The following MBOAT4 variants were observed in gnomAD, a reference collection of about 807,000 sequenced individuals.
MBOAT4 encodes membrane bound ghrelin O-acyltransferase MBOAT4, also known as membrane-bound ghrelin O-acyltransferase MBOAT4.
In MBOAT4, 11 loss-of-function variants were observed where a neutral mutation model predicts 13.2. The ratio of observed to expected loss-of-function variants is 0.84; its 90% confidence interval spans 0.53 to 1.38. The LOEUF (loss-of-function observed/expected upper bound fraction) is 1.38, where lower values mean the gene tolerates loss of function less well. Among genes scored for constraint, MBOAT4 ranks in the 40% most tolerant of loss-of-function variants. The pLI is 0.00. For synonymous variants in MBOAT4, 202 were observed against 210.3 expected (o/e 0.96, Z 0.34); for missense variants, 481 against 527.2 (o/e 0.91, Z 0.86).
intron 1 of MBOAT4, among the ~76,000 whole-genome samples, chr8:30,139,905 G>A (rs973221306): frequency 6.6e-6 from 1 of 152,168 alleles, no homozygotes; most frequent in African/African-American, 2.4e-5. Context: ...GGCTGCACTT[G>A]AGCGATGATG....
At chr8:30,134,428 AC>A (rs1803095201) in intron 2 of MBOAT4, among the ~76,000 whole-genome samples, 1 of 151,740 alleles carries the variant, frequency 6.6e-6, no homozygotes, top group South Asian at 2.1e-4. Context: ...TCTCAAAAAA[AC>A]AAAACAAAAA....
At chr8:30,140,052 T>C (rs1286506525) in intron 1 of MBOAT4, among the ~76,000 whole-genome samples, 1 of 152,192 alleles carries the variant, frequency 6.6e-6, no homozygotes, top group Non-Finnish European at 1.5e-5. Context: ...AGAATCTTTT[T>C]TTTTAGACAG....
chr8:30,133,884 A>T (rs1025071509), intron 2 of MBOAT4, among the ~76,000 whole-genome samples: 6 of 152,186 alleles, frequency 3.9e-5, no homozygotes, highest in African/African-American at 1.4e-4. Context: ...GAGCCAGGAA[A>T]AGGTATGAAG....
chr8:30,134,872 T>C (rs1803105764), intron 2 of MBOAT4, among the ~76,000 whole-genome samples: 1 of 151,078 alleles, frequency 6.6e-6, no homozygotes, highest in African/African-American at 2.4e-5. Flanking sequence ...CTTTTTTCTT[T>C]TCTTTTCTCT....
At chr8:30,134,239 A>G (rs1341688585) in intron 2 of MBOAT4, among the ~76,000 whole-genome samples, 2 of 152,186 alleles carry the variant, frequency 1.3e-5, no homozygotes, top group African/African-American at 4.8e-5. Context: ...CCTGGCCGAT[A>G]TGGTGAAACC....
At position 30,144,559 on chromosome 8, in the gene MBOAT4, A is replaced by G. The variant is rs1803318194; in HGVS notation, c.43T>C (p.Tyr15His). The G allele has an allele frequency of 6.4e-7, 1 of 1,551,546 alleles. No homozygotes were observed. Among genetic ancestry groups the G allele is most frequent in the Non-Finnish European group, 8.7e-7 (1 of 1,146,890 alleles). Reference protein sequence around the residue: ...WLFFLHPISFYQGAAFPFALL... With the variant: ...WLFFLHPISFHQGAAFPFALL... ...GCAAAGGGAAATGCAGCCCCCTGGTAAAACGATATAGGATGGAGAAAGAAC... is the reference window on the plus strand; with the variant it reads ...GCAAAGGGAAATGCAGCCCCCTGGTGAAACGATATAGGATGGAGAAAGAAC... Residue 15 changes from tyrosine (Y) to histidine (H), a missense_variant, in exon 1 of 3, where the codon TAC becomes CAC. By Grantham distance (83) the Tyr-to-His change is moderately conservative. Coordinates refer to ENST00000320542, the MANE Select transcript of MBOAT4 (RefSeq NM_001100916.2).
In MBOAT4 at chr8:30,132,285, G is replaced by C; in HGVS notation, c.966C>G (p.Ser322Arg). The C allele has an allele frequency of 3.2e-6, 5 of 1,551,796 alleles. No individual in the cohort carries two copies. The highest frequency in any genetic ancestry group is 3.5e-6 in the Non-Finnish European group (4 of 1,147,012). ...RWLRRLVFQHSRAWPLLQTFA... is the reference protein window; with the variant it reads ...RWLRRLVFQHRRAWPLLQTFA... ...ATGTCTGCAACAACGGCCAAGCCCTGCTGTGCTGGAATACAAGCCGTCGGA... is the reference window on the plus strand; with the variant it reads ...ATGTCTGCAACAACGGCCAAGCCCTCCTGTGCTGGAATACAAGCCGTCGGA... The change falls in exon 3 of 3, where the codon AGC becomes AGG. Residue 322 changes from serine to arginine, a missense_variant. Ser to Arg is a moderately radical substitution (Grantham distance 110, BLOSUM62 -1). Transcript: ENST00000320542.
chr8:30,144,633 C>T lies in MBOAT4; in HGVS notation c.-32G>A, dbSNP rs528743552. The T allele has an allele frequency of 3.5e-6, 5 of 1,411,558 alleles. No homozygotes were observed. The highest frequency in any genetic ancestry group is 3.9e-6 in the Non-Finnish European group (4 of 1,025,812). The allele number at this position is 1,411,558 out of a possible 1,614,324, so 87.4% of individuals were successfully genotyped here. A position where few individuals can be genotyped will look rare whatever the true frequency, so the allele number is the denominator to read the frequency against. On this transcript the variant is annotated 5_prime_UTR_variant, in exon 1 of 3. Coordinates refer to ENST00000320542, the MANE Select transcript of MBOAT4 (RefSeq NM_001100916.2). Reference sequence around the variant, plus strand: ...CCAGAACAAAAGAGCCTGTCTTTTCCAGTGTCCTTAACTGATGCCTTCCTC... The same window carrying T: ...CCAGAACAAAAGAGCCTGTCTTTTCTAGTGTCCTTAACTGATGCCTTCCTC...
intron 1 of MBOAT4, among the ~76,000 whole-genome samples, chr8:30,139,593 C>A (rs1285850909): frequency 6.6e-6 from 1 of 152,152 alleles, no homozygotes; most frequent in Non-Finnish European, 1.5e-5. Context: ...TTATATCCAC[C>A]CTTCATCCTT....
intron 1 of MBOAT4, among the ~76,000 whole-genome samples, chr8:30,141,928 C>T (rs1347924855): frequency 6.6e-6 from 1 of 152,180 alleles, no homozygotes. Context: ...CTCTTTGAAC[C>T]TATGCTTGGG....
chr8:30,135,102 G>A (rs1384246109), intron 2 of MBOAT4, among the ~76,000 whole-genome samples: 2 of 148,734 alleles, frequency 1.3e-5, no homozygotes, highest in Non-Finnish European at 3.0e-5. Context: ...ATGTTGGCCT[G>A]GCTAGTCTCA....
intron 1 of MBOAT4, among the ~76,000 whole-genome samples, 194 bp from the exon 2 acceptor site, chr8:30,138,950 T>C (rs2117546571): frequency 6.7e-6 from 1 of 148,602 alleles, no homozygotes; most frequent in South Asian, 2.2e-4. Flanking sequence ...CAGGGTAAAT[T>C]TGTAAATTTC....
intron 2 of MBOAT4, among the ~76,000 whole-genome samples, chr8:30,135,838 C>T (rs2117539941): frequency 6.7e-6 from 1 of 149,400 alleles, no homozygotes; most frequent in Non-Finnish European, 1.5e-5. Context: ...TGCTTGAGCC[C>T]AGGAGGTCGA....
intron 1 of MBOAT4, among the ~76,000 whole-genome samples, chr8:30,140,268 C>T (rs1469015174): frequency 6.6e-6 from 1 of 152,130 alleles, no homozygotes; most frequent in African/African-American, 2.4e-5. Flanking sequence ...AACTCCTGGC[C>T]TCAGTCTTAG....
intron 1 of MBOAT4, among the ~76,000 whole-genome samples, chr8:30,138,986 T>A: frequency 6.6e-6 from 1 of 152,122 alleles, no homozygotes; most frequent in East Asian, 1.9e-4. Context: ...TCTTTTTTTT[T>A]TTTTTGAGAC....
chr8:30,134,290 G>A (rs1803091369), intron 2 of MBOAT4, among the ~76,000 whole-genome samples: 1 of 152,012 alleles, frequency 6.6e-6, no homozygotes, highest in Non-Finnish European at 1.5e-5. Flanking sequence ...GGGTGTGGTG[G>A]TGCACACCTG....
At chr8:30,138,802 A>C (rs531240352) in intron 1 of MBOAT4, 46 bp from the exon 2 acceptor site, 8 of 1,426,196 alleles carry the variant, frequency 5.6e-6, no homozygotes, top group Non-Finnish European at 7.7e-6. Flanking sequence ...AGAACGGCAC[A>C]GCAAAGGAAT....
intron 1 of MBOAT4, among the ~76,000 whole-genome samples, chr8:30,139,148 G>A (rs1803215619): frequency 6.6e-6 from 1 of 151,744 alleles, no homozygotes. Context: ...TTTAGAGATG[G>A]GGTCTTGGTG....
chr8:30,132,068 G>C lies in MBOAT4; in HGVS notation c.1183C>G (p.Leu395Val), dbSNP rs144819499. ...HTQLIIAYIM[L>V]AVEVRSLSSL... ...GAGAGACTCCTGACCTCCACAGCCA[G>C]CATGATGTAGGCAATGATCAACTGG... The change falls in exon 3 of 3, where the codon CTG becomes GTG. Residue 395 changes from leucine to valine, a missense_variant. By Grantham distance (32) the Leu-to-Val change is conservative (BLOSUM62 1). Coordinates refer to ENST00000320542, the MANE Select transcript of MBOAT4 (RefSeq NM_001100916.2). 3 of 1,551,684 alleles carry C rather than the reference G, an allele frequency of 1.9e-6. No individual in the cohort carries two copies. The highest frequency in any genetic ancestry group is 2.6e-6 in the Non-Finnish European group (3 of 1,147,032).
Sources: gnomAD v4.1 joint callset for allele counts (sites outside exome capture counted in the v4.1 genomes callset) on GRCh38, gnomAD v4.1.1 for gene constraint, MANE v1.5 for transcripts, NCBI Gene and HGNC (gene_info 2026-07-23, HGNC 2026-07-21) for gene names.